Variants in SHC4 observed in about 807,000 individuals in gnomAD.
The protein encoded by SHC4 is SHC-transforming protein 4.
SHC4 carries 41 observed loss-of-function variants against 69.4 expected under a neutral mutation model. The ratio of observed to expected loss-of-function variants is 0.59; its 90% CI spans 0.46 to 0.77. The LOEUF (loss-of-function observed/expected upper bound fraction) is 0.77. SHC4 is among the 30% of genes least tolerant of loss of function. The pLI, the probability that SHC4 is intolerant of heterozygous loss-of-function variation, is 0.00. For missense variants in SHC4, 777 were observed against 783.8 expected, an observed-to-expected ratio of 0.99 and a Z score of 0.10; for synonymous variants, 318 against 299.3, an observed-to-expected ratio of 1.06 and a Z score of -0.64.
chr15:48,839,855 C>T (rs529614769), intron 10 of SHC4, among the ~76,000 whole-genome samples: 9 of 152,180 alleles, frequency 5.9e-5, no homozygotes, highest in African/African-American at 2.2e-4. Flanking sequence ...CAGAGACAGT[C>T]ATCTACCAAT....
At chr15:48,910,533 G>T (rs1008182157) in intron 2 of SHC4, among the ~76,000 whole-genome samples, 2 of 151,434 alleles carry the variant, frequency 1.3e-5, no homozygotes, top group Admixed American at 1.3e-4. Flanking sequence ...CTTTTGTATT[G>T]GTTTTTTTGT....
chr15:48,834,719 G>A, intron 11 of SHC4, 50 bp downstream of exon 11: 1 of 1,600,888 alleles, frequency 6.2e-7, no homozygotes, highest in Non-Finnish European at 8.5e-7. Flanking sequence ...TTCAGGGTAT[G>A]CTTAATAGAA....
At position 48,921,186 on chromosome 15, in the gene SHC4, G is replaced by T. The variant is rs146428819; in HGVS notation, c.656+3693C>A. 1.2e-3 allele frequency among the ~76,000 whole-genome samples: 177 copies of T among 152,238 alleles called. 1 individual carries two copies. Among genetic ancestry groups the T allele is most frequent in the African/African-American group, 4.0e-3 (167 of 41,536 alleles). On this transcript the variant is annotated intron_variant, in intron 2 of 11. Transcript: ENST00000332408. The stretch of plus-strand genomic sequence containing the variant: ...GATGAATTAATCTTGAATACATTGT[G>T]CTAAAGGAAATAAGCCAGACAGAAA...
At position 48,867,861 on chromosome 15, in the gene SHC4, T is replaced by C. The variant is rs748046574; in HGVS notation, c.903A>G (p.Thr301=). 6.2e-6 allele frequency: 10 copies of C among 1,612,970 alleles called. No individual in the cohort carries two copies. The highest frequency in any genetic ancestry group is 7.6e-6 in the Non-Finnish European group (9 of 1,179,252). ...CTTTAGCTACGTAGGCAACATAGTC[T>C]GTAGTATCCTATAAAAAAGGGAAAA... ...SFASGGDPDT[T]DYVAYVAKDP... is the part of the protein sequence containing the mutation. The change falls in exon 6 of 12, where the codon ACA becomes ACG. Residue 301 remains threonine, a synonymous_variant. Transcript: ENST00000332408.
At chr15:48,907,437 G>A (rs564955480) in intron 2 of SHC4, among the ~76,000 whole-genome samples, 1 of 151,318 alleles carries the variant, frequency 6.6e-6, no homozygotes, top group Non-Finnish European at 1.5e-5. Context: ...ATAAGTTATT[G>A]GGGTACAGGT....
rs948218954 is a variant in SHC4 at position 48,963,090 on chromosome 15, C to T, written c.-75G>A. The T allele has an allele frequency of 6.9e-7, 1 of 1,446,510 alleles. No homozygotes were observed. The highest frequency in any genetic ancestry group is 9.3e-7 in the Non-Finnish European group (1 of 1,071,026). 89.6% of individuals were successfully genotyped at this position (1,446,510 alleles called of 1,614,324 possible). A position where few individuals can be genotyped will look rare whatever the true frequency, so the allele number is the denominator to read the frequency against. ...TCTGGTAGATAAACGGTGCAGACATCAGATACCTCAACGCCCGATGCAACT... is the reference window on the plus strand; with the variant it reads ...TCTGGTAGATAAACGGTGCAGACATTAGATACCTCAACGCCCGATGCAACT... On this transcript the variant is annotated 5_prime_UTR_variant, in exon 1 of 12. Coordinates refer to ENST00000332408, the MANE Select transcript of SHC4 (RefSeq NM_203349.4).
intron 2 of SHC4, among the ~76,000 whole-genome samples, chr15:48,901,377 T>C (rs375041241): frequency 6.6e-6 from 1 of 152,224 alleles, no homozygotes; most frequent in African/African-American, 2.4e-5. Context: ...TTGTTCGGTT[T>C]CTTGGTACAG....
At chr15:48,905,113 C>A (rs1310776933) in intron 2 of SHC4, among the ~76,000 whole-genome samples, 1 of 152,176 alleles carries the variant, frequency 6.6e-6, no homozygotes, top group African/African-American at 2.4e-5. Context: ...TTCTGCTTTT[C>A]TCTAACCAGC....
In SHC4 at chr15:48,846,100, G is replaced by A. The variant is rs114808525; in HGVS notation, c.1304-2512C>T. 2.0e-5 allele frequency among the ~76,000 whole-genome samples: 3 copies of A among 152,112 alleles called. No homozygotes were observed. In the East Asian group the frequency reaches 5.8e-4, roughly 29 times the overall value. On this transcript the variant is annotated intron_variant, in intron 9 of 11. Transcript: ENST00000332408. Reference sequence around the variant, plus strand: ...TGCAGCCTCGAACTCCTAGGTTAAAGTGATCCTCCTGCCTCAGCCTCCGGA... The same window carrying A: ...TGCAGCCTCGAACTCCTAGGTTAAAATGATCCTCCTGCCTCAGCCTCCGGA...
At chr15:48,861,288 GAACA>G (rs1899435833) in intron 6 of SHC4, among the ~76,000 whole-genome samples, 3 of 152,274 alleles carry the variant, frequency 2.0e-5, no homozygotes, top group Admixed American at 1.3e-4. Flanking sequence ...AAAAATAAAA[GAACA>G]AACAGTGGTG....
intron 2 of SHC4, among the ~76,000 whole-genome samples, chr15:48,903,391 AG>A (rs1900349634): frequency 6.6e-6 from 1 of 152,226 alleles, no homozygotes; most frequent in African/African-American, 2.4e-5. Context: ...TCTTCCCAAA[AG>A]GAATTATATC....
chr15:48,956,155 T>C (rs1373932558), intron 1 of SHC4, among the ~76,000 whole-genome samples: 1 of 152,140 alleles, frequency 6.6e-6, no homozygotes, highest in Admixed American at 6.5e-5. Context: ...GAAAATATAA[T>C]ACCCTCAATG....
intron 10 of SHC4, among the ~76,000 whole-genome samples, chr15:48,836,789 C>T (rs1048498814): frequency 2.0e-5 from 3 of 152,068 alleles, no homozygotes; most frequent in Non-Finnish European, 4.4e-5. Context: ...ATAGTTTTGT[C>T]CCTACTTGAG....
chr15:48,932,257 T>G (rs984216593), intron 1 of SHC4, among the ~76,000 whole-genome samples: 7 of 152,118 alleles, frequency 4.6e-5, no homozygotes, highest in African/African-American at 1.7e-4. Context: ...TTAGAGAACT[T>G]AAGAATCACC....
At chr15:48,907,036 G>A (rs911885162) in intron 2 of SHC4, among the ~76,000 whole-genome samples, 3 of 151,828 alleles carry the variant, frequency 2.0e-5, no homozygotes, top group Non-Finnish European at 4.4e-5. Context: ...CTGTTACTAC[G>A]GGTTATCTCC....
At chr15:48,861,299 G>A (rs1394051155) in intron 6 of SHC4, among the ~76,000 whole-genome samples, 3 of 152,106 alleles carry the variant, frequency 2.0e-5, no homozygotes, top group African/African-American at 7.2e-5. Context: ...AACAAACAGT[G>A]GTGTCTGTCT....
chr15:48,933,527 T>A (rs1053234820), intron 1 of SHC4, among the ~76,000 whole-genome samples: 1 of 152,144 alleles, frequency 6.6e-6, no homozygotes. Context: ...TTCAGCAGAA[T>A]CCCTATCAAA....
At chr15:48,853,254 A>C (rs1268110068) in intron 8 of SHC4, among the ~76,000 whole-genome samples, 3 of 152,200 alleles carry the variant, frequency 2.0e-5, no homozygotes, top group Non-Finnish European at 4.4e-5. Flanking sequence ...AATAAAATAA[A>C]ATACCTAGGA....
At chr15:48,871,873 T>C in intron 5 of SHC4, 1 of 443,126 alleles carries the variant, frequency 2.3e-6, no homozygotes, top group South Asian at 2.6e-5. Context: ...CTAATCCAAG[T>C]ATTTTAAAAT....
Sources: gnomAD v4.1 joint callset for allele counts (sites outside exome capture counted in the v4.1 genomes callset) on GRCh38, gnomAD v4.1.1 for gene constraint, MANE v1.5 for transcripts, NCBI Gene and HGNC (gene_info 2026-07-23, HGNC 2026-07-21) for gene names.